EXOC4: variants seen among roughly 807,000 people sequenced by gnomAD.
EXOC4 encodes SEC8-like 1.
A neutral mutation model predicts 107.2 loss-of-function variants in EXOC4; 71 were observed. The ratio of observed to expected loss-of-function variants is 0.66; its 90% CI spans 0.55 to 0.81. EXOC4 has a LOEUF of 0.81. EXOC4 is among the 30% of genes least tolerant of loss of function. The probability of loss-of-function intolerance (pLI) is 0.00; values close to 1 mark genes in which losing one functional copy is unlikely to be tolerated. For missense variants in EXOC4, 1,108 were observed against 1,189.6 expected, an observed-to-expected ratio of 0.93 and a Z score of 1.01; for synonymous variants, 456 against 441.2, an observed-to-expected ratio of 1.03 and a Z score of -0.42.
At chr7:133,720,847 C>G (rs1795092143) in intron 10 of EXOC4, among the ~76,000 whole-genome samples, 1 of 152,108 alleles carries the variant, frequency 6.6e-6, no homozygotes, top group Non-Finnish European at 1.5e-5. Flanking sequence ...AAGCATGCCA[C>G]CACAAAAACA....
At chr7:133,592,608 A>AT (rs1204620308) in intron 9 of EXOC4, among the ~76,000 whole-genome samples, 1 of 151,596 alleles carries the variant, frequency 6.6e-6, no homozygotes, top group Non-Finnish European at 1.5e-5. Flanking sequence ...ATACCCGGCT[A>AT]TTTTTTTGTT....
At chr7:133,255,533 T>C (rs772583540) in intron 1 of EXOC4, among the ~76,000 whole-genome samples, 2 of 152,320 alleles carry the variant, frequency 1.3e-5, no homozygotes, top group East Asian at 1.9e-4. Context: ...TTTTGTGATA[T>C]AGTTTTTACA....
At chr7:133,321,372 A>G (rs549916393) in intron 5 of EXOC4, among the ~76,000 whole-genome samples, 2 of 152,102 alleles carry the variant, frequency 1.3e-5, no homozygotes, top group African/African-American at 4.8e-5. Flanking sequence ...CTGCACCCAT[A>G]AACACATCAT....
chr7:133,673,428 T>C (rs868173797), intron 10 of EXOC4, among the ~76,000 whole-genome samples: 1 of 152,232 alleles, frequency 6.6e-6, no homozygotes, highest in African/African-American at 2.4e-5. Flanking sequence ...GAGTTAACCT[T>C]GCATCTCCTG....
At chr7:133,512,055 A>G (rs1205387364) in intron 9 of EXOC4, among the ~76,000 whole-genome samples, 1 of 152,222 alleles carries the variant, frequency 6.6e-6, no homozygotes. Context: ...ATTACAGTCT[A>G]GCAGGGGAAA....
chr7:134,034,877 A>T (rs1430700421), intron 17 of EXOC4, among the ~76,000 whole-genome samples: 2 of 152,198 alleles, frequency 1.3e-5, no homozygotes, highest in Non-Finnish European at 2.9e-5. Context: ...ATCATCATGC[A>T]AACAAAGCAT....
intron 9 of EXOC4, among the ~76,000 whole-genome samples, chr7:133,576,186 G>A (rs937512198): frequency 5.3e-5 from 8 of 151,982 alleles, no homozygotes; most frequent in Non-Finnish European, 1.0e-4. Flanking sequence ...TGTATTTTTT[G>A]GAATAGAGAA....
intron 7 of EXOC4, among the ~76,000 whole-genome samples, chr7:133,380,199 T>A (rs1233466838): frequency 1.3e-5 from 2 of 150,610 alleles, no homozygotes; most frequent in Admixed American, 1.3e-4. Context: ...GTAACAAACC[T>A]GCACGTTGTG....
chr7:133,801,268 CTGATACCA>C (rs751864746), intron 10 of EXOC4, among the ~76,000 whole-genome samples: 57 of 152,238 alleles, frequency 3.7e-4, no homozygotes, highest in Middle Eastern at 6.8e-3. Context: ...GAGGATTTTC[CTGATACCA>C]TGACAGAAGG....
chr7:134,053,136 C>T (rs571096152), intron 17 of EXOC4, among the ~76,000 whole-genome samples: 1 of 151,968 alleles, frequency 6.6e-6, no homozygotes, highest in African/African-American at 2.4e-5. Flanking sequence ...TAGAATTCAG[C>T]CCTGCTCTAG....
In EXOC4 at chr7:133,333,263, G is replaced by C. The variant is rs550181391; in HGVS notation, c.763+15873G>C. 6.6e-5 allele frequency among the ~76,000 whole-genome samples: 10 copies of C among 152,128 alleles called. No homozygotes were observed. In the East Asian group the frequency reaches 1.9e-3, roughly 29 times the overall value. On this transcript the variant is annotated intron_variant, in intron 5 of 17. Coordinates refer to ENST00000253861, the MANE Select transcript of EXOC4 (RefSeq NM_021807.4). ...CATTATTTATCTTATTGCTCAAATT[G>C]TCCCAAATTTGGCCACTGGTAGCTC...
chr7:133,515,498 T>G (rs113652163), intron 9 of EXOC4, among the ~76,000 whole-genome samples: 202 of 152,270 alleles, frequency 1.3e-3, no homozygotes, highest in African/African-American at 4.7e-3. Flanking sequence ...AGAGACTGTT[T>G]CATTCTGTTA....
chr7:134,020,357 G>A (rs183976515), intron 17 of EXOC4, among the ~76,000 whole-genome samples: 5 of 152,250 alleles, frequency 3.3e-5, no homozygotes, highest in South Asian at 2.1e-4. Context: ...CCCTGACCTC[G>A]TTTTCTTTGA....
chr7:134,080,689 T>TC, the EXOC4 span, among the ~76,000 whole-genome samples: 1 of 151,992 alleles, frequency 6.6e-6, no homozygotes, highest in Non-Finnish European at 1.5e-5. Context: ...ATGCCCATAA[T>TC]CCCATTCTTT....
intron 7 of EXOC4, chr7:133,396,184 C>T (rs1411452094): frequency 6.6e-6 from 1 of 152,110 alleles, no homozygotes; most frequent in Non-Finnish European, 1.5e-5. Context: ...TTAGTAAGCC[C>T]TCCTGGTTTT....
intron 11 of EXOC4, among the ~76,000 whole-genome samples, chr7:133,886,519 T>A (rs1384971499): frequency 6.6e-6 from 1 of 152,250 alleles, no homozygotes; most frequent in Non-Finnish European, 1.5e-5. Flanking sequence ...TGTTTTTTTT[T>A]ATTACATCAA....
At chr7:133,410,593 G>T (rs1332958206) in intron 7 of EXOC4, among the ~76,000 whole-genome samples, 2 of 152,108 alleles carry the variant, frequency 1.3e-5, no homozygotes, top group Admixed American at 1.3e-4. Flanking sequence ...TTCCCTTCAG[G>T]ATTGTGTGTT....
rs182016899 is a variant in EXOC4 at position 134,060,536 on chromosome 7, A to C, written c.2688-3755A>C. ...ACGGCTGCTATTTTAATGCTCGATGATGAAGACCAAGCTTTCAATTTCCTG... is the reference window on the plus strand; with the variant it reads ...ACGGCTGCTATTTTAATGCTCGATGCTGAAGACCAAGCTTTCAATTTCCTG... On this transcript the variant is annotated intron_variant, in intron 17 of 17. Transcript: ENST00000253861. 6.4e-4 allele frequency among the ~76,000 whole-genome samples: 98 copies of C among 152,346 alleles called. 1 individual carries two copies. Among genetic ancestry groups the C allele is most frequent in the Non-Finnish European group, 1.0e-3 (68 of 68,034 alleles).
intron 13 of EXOC4, 35 bp from the exon 14 acceptor site, chr7:133,937,856 G>A (rs372763328): frequency 1.6e-5 from 25 of 1,610,754 alleles, no homozygotes; most frequent in African/African-American, 2.7e-5. Context: ...TTTCCATGCT[G>A]TATATATGAA....
Sources: allele counts gnomAD v4.1 joint callset (sites outside exome capture counted in the v4.1 genomes callset), GRCh38; gene constraint gnomAD v4.1.1; transcripts MANE v1.5; gene names NCBI Gene and HGNC (gene_info 2026-07-23, HGNC 2026-07-21).